ANKRD12: variants seen among roughly 807,000 people sequenced by gnomAD.
ANKRD12 encodes the protein ankyrin repeat domain-containing protein 12.
A neutral mutation model predicts 183.4 loss-of-function variants in ANKRD12; 85 were observed. That is an observed-to-expected ratio of 0.46 (90% CI 0.39 to 0.56). The LOEUF is 0.56. ANKRD12 is among the 20% of genes least tolerant of loss of function. The pLI is 0.00. For missense variants in ANKRD12, 2,405 were observed against 2,357.1 expected, an observed-to-expected ratio of 1.02 and a Z score of -0.42; for synonymous variants, 914 against 800.2, an observed-to-expected ratio of 1.14 and a Z score of -2.40.
At chr18:9,231,801 G>A (rs2037066938) in intron 8 of ANKRD12, among the ~76,000 whole-genome samples, 1 of 142,064 alleles carries the variant, frequency 7.0e-6, no homozygotes, top group East Asian at 2.0e-4. Flanking sequence ...CTCCAACCTG[G>A]GCAACAGAGC....
intron 2 of ANKRD12, among the ~76,000 whole-genome samples, chr18:9,192,142 G>A (rs905705447): frequency 6.6e-6 from 1 of 152,060 alleles, no homozygotes; most frequent in African/African-American, 2.4e-5. Flanking sequence ...TGATTTGTTG[G>A]TCTCACCATA....
intron 1 of ANKRD12, among the ~76,000 whole-genome samples, chr18:9,150,550 T>C (rs2078651268): frequency 1.3e-5 from 2 of 152,252 alleles, no homozygotes; most frequent in African/African-American, 4.8e-5. Flanking sequence ...GAGGACAGTT[T>C]ATTGTAAAAG....
chr18:9,184,550 G>T (rs1028743826), intron 2 of ANKRD12, among the ~76,000 whole-genome samples: 1 of 151,996 alleles, frequency 6.6e-6, no homozygotes, highest in African/African-American at 2.4e-5. Context: ...ACACCACTAT[G>T]CCCAGAGATA....
Position 9,194,882 on chromosome 18 carries a change from C to G in ANKRD12, c.88-669C>G, listed in dbSNP as rs534205454. Among the ~76,000 whole-genome samples, 13 of 152,260 alleles carry G rather than the reference C, an allele frequency of 8.5e-5. No individual in the cohort carries two copies. In the South Asian group the frequency reaches 1.0e-3, roughly 12 times the overall value. ...GTCCTATTAAAAAGACACATACATG[C>G]CTATGTTCATTGCAGCACTACTCAC... On this transcript the variant is annotated intron_variant, in intron 2 of 12. Coordinates refer to ENST00000262126, the MANE Select transcript of ANKRD12 (RefSeq NM_015208.5).
chr18:9,245,839 C>G (rs184803500), intron 8 of ANKRD12, among the ~76,000 whole-genome samples: 2 of 152,000 alleles, frequency 1.3e-5, no homozygotes, highest in Non-Finnish European at 2.9e-5. Flanking sequence ...CAGATACTTA[C>G]GGAAAGGTCA....
intron 8 of ANKRD12, among the ~76,000 whole-genome samples, chr18:9,246,833 C>G (rs2037990925): frequency 1.3e-5 from 2 of 152,054 alleles, no homozygotes; most frequent in South Asian, 4.1e-4. Flanking sequence ...TTAGTTAATC[C>G]TTAAAACAGT....
At chr18:9,222,173 C>CT (rs2036457410) in intron 8 of ANKRD12, among the ~76,000 whole-genome samples, 174 bp downstream of exon 8, 1 of 152,142 alleles carries the variant, frequency 6.6e-6, no homozygotes, top group Non-Finnish European at 1.5e-5. Context: ...TAGGTGTTTG[C>CT]TACATATACC....
At position 9,275,629 on chromosome 18, in the gene ANKRD12, C is replaced by T. The variant is rs774725668; in HGVS notation, c.5869C>T (p.Leu1957=). 21 of 1,605,802 alleles carry T rather than the reference C, an allele frequency of 1.3e-5. No individual in the cohort carries two copies. Among genetic ancestry groups the T allele is most frequent in the Non-Finnish European group, 1.7e-5 (20 of 1,174,098 alleles). Residue 1957 remains leucine, a synonymous_variant, in exon 11 of 13, where the codon CTG becomes TTG. Transcript: ENST00000262126. ...GCCATTTAGTGCTTGTACTGTTTTGCTGGATGCCGAAGTATACAATGTACC... is the reference window on the plus strand; with the variant it reads ...GCCATTTAGTGCTTGTACTGTTTTGTTGGATGCCGAAGTATACAATGTACC... ...TLPFSACTVL[L]DAEVYNVPLD...
At chr18:9,235,038 C>T (rs2037264884) in intron 8 of ANKRD12, among the ~76,000 whole-genome samples, 1 of 152,128 alleles carries the variant, frequency 6.6e-6, no homozygotes, top group South Asian at 2.1e-4. Context: ...TGTTCTCTTC[C>T]TAGATACCCT....
chr18:9,274,936 G>A (rs2039761156), intron 10 of ANKRD12, among the ~76,000 whole-genome samples: 3 of 152,048 alleles, frequency 2.0e-5, no homozygotes, highest in Non-Finnish European at 2.9e-5. Flanking sequence ...TAATCCCAGC[G>A]CTTTGGGAGG....
intron 7 of ANKRD12, among the ~76,000 whole-genome samples, chr18:9,217,349 C>T (rs1243162501): frequency 6.6e-6 from 1 of 152,158 alleles, no homozygotes; most frequent in African/African-American, 2.4e-5. Flanking sequence ...TTACTTCCCT[C>T]CTCGGAACCT....
chr18:9,267,368 G>T (rs1474340911), intron 10 of ANKRD12, among the ~76,000 whole-genome samples: 1 of 152,052 alleles, frequency 6.6e-6, no homozygotes, highest in Non-Finnish European at 1.5e-5. Flanking sequence ...CACATAGTTG[G>T]AAGTAAAGCA....
intron 3 of ANKRD12, among the ~76,000 whole-genome samples, chr18:9,202,692 ATCAATC>A (rs1430893052): frequency 6.6e-6 from 1 of 152,200 alleles, no homozygotes; most frequent in Non-Finnish European, 1.5e-5. Context: ...AGTGTTTTGC[ATCAATC>A]TCAATCTCAT....
At chr18:9,189,605 A>AAGTT (rs1297123211) in intron 2 of ANKRD12, among the ~76,000 whole-genome samples, 1 of 152,184 alleles carries the variant, frequency 6.6e-6, no homozygotes, top group African/African-American at 2.4e-5. Context: ...GACAACTATT[A>AAGTT]AGTTAAAGCC....
intron 2 of ANKRD12, among the ~76,000 whole-genome samples, chr18:9,185,326 G>A (rs1487574851): frequency 6.6e-6 from 1 of 152,156 alleles, no homozygotes; most frequent in Non-Finnish European, 1.5e-5. Flanking sequence ...AGGCAGTGTG[G>A]GCAGTGGCTT....
chr18:9,264,605 T>A (rs2039171050), intron 10 of ANKRD12, among the ~76,000 whole-genome samples: 2 of 152,206 alleles, frequency 1.3e-5, no homozygotes. Context: ...TCTCAGAATG[T>A]TTTTAAATTT....
chr18:9,150,758 A>G (rs969872216), intron 1 of ANKRD12, among the ~76,000 whole-genome samples: 7 of 152,110 alleles, frequency 4.6e-5, no homozygotes, highest in Admixed American at 1.3e-4. Context: ...GGTTCAGGCC[A>G]TTCTCCTGCC....
At chr18:9,185,992 C>T (rs1383692364) in intron 2 of ANKRD12, among the ~76,000 whole-genome samples, 6 of 152,224 alleles carry the variant, frequency 3.9e-5, no homozygotes, top group African/African-American at 1.4e-4. Context: ...GGAAATTCAT[C>T]TGGGCTGCTT....
chr18:9,249,020 C>T (rs1266940549), intron 8 of ANKRD12, among the ~76,000 whole-genome samples: 3 of 152,170 alleles, frequency 2.0e-5, no homozygotes, highest in African/African-American at 4.8e-5. Context: ...CCATAAGCAC[C>T]CCCACTTAAT....
Sources: gnomAD v4.1 joint callset for allele counts (sites outside exome capture counted in the v4.1 genomes callset) on GRCh38, gnomAD v4.1.1 for gene constraint, MANE v1.5 for transcripts, NCBI Gene and HGNC (gene_info 2026-07-23, HGNC 2026-07-21) for gene names.